IQSEC1: variants seen among roughly 807,000 people sequenced by gnomAD.
IQSEC1 encodes the protein IQ motif and SEC7 domain-containing protein 1.
Under a neutral mutation model 91.0 loss-of-function variants are expected in IQSEC1, and 31 were observed. That is an observed-to-expected ratio of 0.34 (90% CI 0.26 to 0.46). IQSEC1 has a LOEUF of 0.46. Among genes scored for constraint, IQSEC1 ranks in the 20% least tolerant of loss-of-function variants. IQSEC1 has a pLI of 1.00. For missense variants in IQSEC1, 1,388 were observed against 1,575.6 expected (o/e 0.88, Z 2.02); for synonymous variants, 699 against 662.6 (o/e 1.05, Z -0.84).
At chr3:13,252,556 G>GC (rs999188453) in intron 1 of IQSEC1, among the ~76,000 whole-genome samples, 5 of 152,156 alleles carry the variant, frequency 3.3e-5, no homozygotes, top group Non-Finnish European at 7.3e-5. Context: ...TTGGGCATAT[G>GC]CCCACAAGTG....
intron 1 of IQSEC1, among the ~76,000 whole-genome samples, chr3:13,039,595 C>T (rs1052911796): frequency 6.6e-6 from 1 of 152,226 alleles, no homozygotes; most frequent in African/African-American, 2.4e-5. Flanking sequence ...ATATTCAGTG[C>T]TTTTCCAGCA....
In IQSEC1 at chr3:13,011,938, C is replaced by T. The variant is rs1394106342; in HGVS notation, c.23+61054G>A. Among the ~76,000 whole-genome samples the T allele has an allele frequency of 2.4e-5, 3 of 126,440 alleles. No homozygotes were observed. The Admixed American group carries it at 2.7e-4, about 11-fold the overall frequency. 82.9% of individuals were successfully genotyped at this position (126,440 alleles called of 152,430 possible). ...ATGAGTGAGTCTCAAATTCTAAGTTCGTGGGGGACTCACTTAAGAAGGGTG... is the reference window on the plus strand; with the variant it reads ...ATGAGTGAGTCTCAAATTCTAAGTTTGTGGGGGACTCACTTAAGAAGGGTG... On this transcript the variant is annotated intron_variant, in intron 1 of 13. Coordinates refer to ENST00000613206, the MANE Select transcript of IQSEC1 (RefSeq NM_001134382.3).
chr3:13,234,015 A>G (rs1162457051), intron 1 of IQSEC1, among the ~76,000 whole-genome samples: 1 of 152,244 alleles, frequency 6.6e-6, no homozygotes, highest in East Asian at 1.9e-4. Flanking sequence ...ACAAGGCGAA[A>G]CTGACGCGCT....
intron 1 of IQSEC1, among the ~76,000 whole-genome samples, chr3:13,068,731 T>C (rs115342596): frequency 0.018 from 2,752 of 152,290 alleles, 77 homozygotes; most frequent in African/African-American, 0.06. Flanking sequence ...TGCTGTCCCC[T>C]GCACCCGGGG....
intron 1 of IQSEC1, among the ~76,000 whole-genome samples, chr3:13,242,036 T>C (rs1327334575): frequency 2.6e-5 from 4 of 152,198 alleles, no homozygotes; most frequent in Non-Finnish European, 4.4e-5. Context: ...CATGTGTGTA[T>C]GTGTGCATAT....
At chr3:13,234,378 T>TGA (rs139549748) in intron 1 of IQSEC1, among the ~76,000 whole-genome samples, 22,980 of 151,752 alleles carry the variant, frequency 0.15, 2,404 homozygotes, top group African/African-American at 0.28. Context: ...CATGTCCATG[T>TGA]GAGCCTGGGC....
chr3:13,248,671 G>T (rs1695145441), intron 1 of IQSEC1, among the ~76,000 whole-genome samples: 1 of 152,206 alleles, frequency 6.6e-6, no homozygotes, highest in Non-Finnish European at 1.5e-5. Flanking sequence ...GTTAAATAAA[G>T]TGCTGTAAGT....
intron 1 of IQSEC1, among the ~76,000 whole-genome samples, chr3:13,238,907 G>A (rs1004007393): frequency 6.6e-6 from 1 of 152,188 alleles, no homozygotes; most frequent in Non-Finnish European, 1.5e-5. Context: ...CTAAGGAGCT[G>A]GACATAAAGA....
intron 1 of IQSEC1, among the ~76,000 whole-genome samples, chr3:13,005,175 G>A (rs561432066): frequency 1.5e-4 from 23 of 152,148 alleles, no homozygotes; most frequent in Non-Finnish European, 2.6e-4. Context: ...ATGGCATGGG[G>A]GCAGGGGGTG....
intron 1 of IQSEC1, among the ~76,000 whole-genome samples, chr3:13,172,860 G>T (rs1430053706): frequency 6.6e-6 from 1 of 152,160 alleles, no homozygotes; most frequent in Non-Finnish European, 1.5e-5. Flanking sequence ...TCACATCTGG[G>T]CCTCAGTGTT....
At chr3:13,131,927 G>GA (rs1706627782) in intron 2 of IQSEC1, among the ~76,000 whole-genome samples, 2 of 152,100 alleles carry the variant, frequency 1.3e-5, no homozygotes, top group African/African-American at 4.8e-5. Context: ...TTTGGGCATG[G>GA]AATATAGTTA....
At chr3:13,077,641 G>A (rs563015805), upstream of IQSEC1, among the ~76,000 whole-genome samples, 5 of 152,306 alleles carry the variant, frequency 3.3e-5, no homozygotes, top group South Asian at 4.1e-4. Flanking sequence ...TGGCAGGCTC[G>A]TGCAGGGCCC....
chr3:13,223,677 T>C (rs1157602818), intron 1 of IQSEC1, among the ~76,000 whole-genome samples: 2 of 152,162 alleles, frequency 1.3e-5, no homozygotes, highest in Non-Finnish European at 1.5e-5. Flanking sequence ...AGAGACACAC[T>C]GGGGACATGC....
At chr3:13,221,445 CA>C (rs1436475671) in intron 1 of IQSEC1, among the ~76,000 whole-genome samples, 2 of 152,210 alleles carry the variant, frequency 1.3e-5, no homozygotes, top group African/African-American at 4.8e-5. Context: ...CAAGCATCCT[CA>C]GGGGGCACAG....
intron 2 of IQSEC1, among the ~76,000 whole-genome samples, chr3:13,100,303 C>T (rs1706035108): frequency 1.3e-5 from 2 of 148,442 alleles, no homozygotes; most frequent in Admixed American, 1.3e-4. Context: ...CACACTCTTC[C>T]TACATCTAGG....
chr3:12,966,292 G>C (rs1381604246), intron 1 of IQSEC1, among the ~76,000 whole-genome samples: 1 of 152,192 alleles, frequency 6.6e-6, no homozygotes, highest in Non-Finnish European at 1.5e-5. Context: ...GGTGAGGAAG[G>C]GGCAGAGGGA....
At position 12,967,536 on chromosome 3, in the gene IQSEC1, A is replaced by C. The variant is rs1204087861; in HGVS notation, c.24-25671T>G. ...CCGACTCCCGCCAGCGAGCCGCCGG[A>C]TCCCGGGGCCGACACCCGGCCACCC... On this transcript the variant is annotated intron_variant, in intron 1 of 13. Coordinates refer to ENST00000613206, the MANE Select transcript of IQSEC1 (RefSeq NM_001134382.3). The surrounding 1 kb of genome is among the most constrained non-coding windows in gnomAD (Gnocchi z 5.9). 7.2e-7 allele frequency: 1 copy of C among 1,382,412 alleles called. No homozygotes were observed. Among genetic ancestry groups the C allele is most frequent in the East Asian group, 3.0e-5 (1 of 33,032 alleles). The allele number at this position is 1,382,412 out of a possible 1,614,324, so 85.6% of individuals were successfully genotyped here.
chr3:13,234,031 T>A (rs562822755), intron 1 of IQSEC1, among the ~76,000 whole-genome samples: 9 of 152,244 alleles, frequency 5.9e-5, no homozygotes, highest in Non-Finnish European at 1.3e-4. Flanking sequence ...GCGCTCTGCA[T>A]GCCACTTCCG....
chr3:13,234,258 G>A (rs1244941924), intron 1 of IQSEC1, among the ~76,000 whole-genome samples: 2 of 148,436 alleles, frequency 1.3e-5, no homozygotes, highest in East Asian at 3.9e-4. Context: ...CCCCGTGTCT[G>A]TGCCTGTGGG....
Sources: allele counts gnomAD v4.1 joint callset (sites outside exome capture counted in the v4.1 genomes callset), GRCh38; gene constraint gnomAD v4.1.1; non-coding constraint Gnocchi (gnomAD v3.1); transcripts MANE v1.5; gene names NCBI Gene and HGNC (gene_info 2026-07-23, HGNC 2026-07-21).